DOK6: variants seen among roughly 807,000 people sequenced by gnomAD.
DOK6 encodes downstream of tyrosine kinase 6.
In DOK6, 22 loss-of-function variants were observed where a neutral mutation model predicts 44.0. That is an observed-to-expected ratio of 0.50 (90% CI 0.36 to 0.71). DOK6 has a LOEUF of 0.71. Among genes scored for constraint, DOK6 ranks in the 30% least tolerant of loss-of-function variants. The pLI, the probability that DOK6 is intolerant of heterozygous loss-of-function variation, is 0.00. For missense variants in DOK6, 340 were observed against 416.4 expected (o/e 0.82, Z 1.60); for synonymous variants, 166 against 145.5 (o/e 1.14, Z -1.01).
At chr18:69,684,595 G>A (rs1986110436) in intron 4 of DOK6, among the ~76,000 whole-genome samples, 2 of 148,674 alleles carry the variant, frequency 1.3e-5, no homozygotes, top group Admixed American at 1.3e-4. Context: ...TTGAAAAGAA[G>A]AGTTTTATGG....
At chr18:69,503,682 A>G (rs1175859398) in intron 1 of DOK6, among the ~76,000 whole-genome samples, 5 of 152,046 alleles carry the variant, frequency 3.3e-5, no homozygotes, top group Non-Finnish European at 7.4e-5. Flanking sequence ...GCTTTAGCTA[A>G]TATATCCTCA....
At chr18:69,523,468 G>T (rs1323549618) in intron 1 of DOK6, among the ~76,000 whole-genome samples, 1 of 151,922 alleles carries the variant, frequency 6.6e-6, no homozygotes, top group Admixed American at 6.6e-5. Context: ...CTTATCACCT[G>T]AAGAATCAAG....
At chr18:69,445,936 C>A (rs1979275026) in intron 1 of DOK6, among the ~76,000 whole-genome samples, 2 of 152,234 alleles carry the variant, frequency 1.3e-5, no homozygotes, top group African/African-American at 4.8e-5. Context: ...TATATAAGAT[C>A]TGTAGTAATG....
In DOK6 at chr18:69,843,177, A is replaced by T. The variant is rs1982273105; in HGVS notation, c.*1794A>T. 1 of 152,260 alleles carries T rather than the reference A, an allele frequency of 6.6e-6. No individual in the cohort carries two copies. Among genetic ancestry groups the T allele is most frequent in the Non-Finnish European group, 1.5e-5 (1 of 68,052 alleles). The allele number at this position is 152,260 out of a possible 1,614,324, so 9.4% of individuals were successfully genotyped here. ...GTAAGAGTTAATGTGGCTGCAAAAA[A>T]TAATTATCCTAAGCTTTCAGGGATA... is the stretch of plus-strand genomic sequence containing the variant. On this transcript the variant is annotated 3_prime_UTR_variant, in exon 8 of 8. Coordinates refer to ENST00000382713, the MANE Select transcript of DOK6 (RefSeq NM_152721.6).
chr18:69,469,352 C>T (rs1337004678), intron 1 of DOK6, among the ~76,000 whole-genome samples: 1 of 151,838 alleles, frequency 6.6e-6, no homozygotes, highest in African/African-American at 2.4e-5. Flanking sequence ...AAATAATAAA[C>T]TATATCAAAT....
intron 2 of DOK6, among the ~76,000 whole-genome samples, chr18:69,573,856 C>T (rs1213943423): frequency 2.0e-5 from 3 of 151,858 alleles, no homozygotes; most frequent in Admixed American, 6.6e-5. Flanking sequence ...TATTCTATAA[C>T]GCCACTCTTT....
At chr18:69,486,322 G>A (rs1474050969) in intron 1 of DOK6, among the ~76,000 whole-genome samples, 7 of 151,958 alleles carry the variant, frequency 4.6e-5, no homozygotes, top group African/African-American at 7.3e-5. Flanking sequence ...TTAATCTGAA[G>A]GTACTTTAGA....
intron 1 of DOK6, among the ~76,000 whole-genome samples, chr18:69,432,983 C>A (rs143412256): frequency 2.7e-4 from 41 of 152,118 alleles, no homozygotes; most frequent in African/African-American, 9.9e-4. Context: ...GACATGTCTG[C>A]TTGACCTCAA....
intron 1 of DOK6, among the ~76,000 whole-genome samples, chr18:69,421,489 G>T (rs1256561935): frequency 3.3e-5 from 5 of 152,150 alleles, no homozygotes; most frequent in African/African-American, 9.7e-5. Flanking sequence ...CTCCCATAGG[G>T]TTATTGCAAG....
chr18:69,456,412 G>C (rs751962350), intron 1 of DOK6, among the ~76,000 whole-genome samples: 2 of 152,044 alleles, frequency 1.3e-5, no homozygotes, highest in Non-Finnish European at 2.9e-5. Context: ...TTGGCTTCCT[G>C]TGCCTCCATT....
In DOK6 at chr18:69,449,593, C is replaced by A. The variant is rs539683442; in HGVS notation, c.66+48283C>A. On this transcript the variant is annotated intron_variant, in intron 1 of 7. Transcript: ENST00000382713. The stretch of plus-strand genomic sequence containing the variant: ...GAGGCCTGCCTGCCTCTGTAGGCTC[C>A]ACCTCTGGGGGCAGGGCACAGACAA... Among the ~76,000 whole-genome samples the A allele has an allele frequency of 2.0e-5, 3 of 152,328 alleles. No individual in the cohort carries two copies. In the East Asian group the frequency reaches 5.8e-4, roughly 29 times the overall value.
At chr18:69,706,297 C>T (rs965783968) in intron 5 of DOK6, among the ~76,000 whole-genome samples, 13 of 152,052 alleles carry the variant, frequency 8.5e-5, no homozygotes, top group African/African-American at 2.9e-4. Context: ...TTCATGAGTC[C>T]TTGAGAAAGG....
intron 3 of DOK6, among the ~76,000 whole-genome samples, chr18:69,617,233 T>C (rs1247229466): frequency 1.3e-5 from 2 of 151,782 alleles, no homozygotes; most frequent in East Asian, 1.9e-4. Context: ...GGTGGGAGGA[T>C]AGAGTGAGCC....
At chr18:69,402,434 A>G (rs1452169795) in intron 1 of DOK6, among the ~76,000 whole-genome samples, 2 of 152,240 alleles carry the variant, frequency 1.3e-5, no homozygotes, top group Non-Finnish European at 2.9e-5. Flanking sequence ...TGTAAAAAAG[A>G]AAGCAAAAGA....
At chr18:69,624,714 T>A (rs972632084) in intron 3 of DOK6, among the ~76,000 whole-genome samples, 2 of 152,104 alleles carry the variant, frequency 1.3e-5, no homozygotes, top group African/African-American at 4.8e-5. Context: ...AAGTTAACAA[T>A]ATCATTTTTA....
chr18:69,666,995 C>G (rs1370964070), intron 3 of DOK6, among the ~76,000 whole-genome samples: 1 of 152,118 alleles, frequency 6.6e-6, no homozygotes, highest in Non-Finnish European at 1.5e-5. Context: ...CAGAAGGACC[C>G]CCCCTCCCCG....
At chr18:69,548,767 A>T (rs1351757656) in intron 1 of DOK6, among the ~76,000 whole-genome samples, 4 of 151,520 alleles carry the variant, frequency 2.6e-5, no homozygotes, top group Non-Finnish European at 3.0e-5. Context: ...TTGTTTAAGA[A>T]TTTTTAATTG....
chr18:69,786,451 T>C lies in DOK6; in HGVS notation c.856+28578T>C, dbSNP rs529768713. On this transcript the variant is annotated intron_variant, in intron 7 of 7. Coordinates refer to ENST00000382713, the MANE Select transcript of DOK6 (RefSeq NM_152721.6). The stretch of plus-strand genomic sequence containing the variant: ...TCTTTAATATAAAGAGTCAGCCTTA[T>C]GGAAAAAAGAGATTGATGTAGAGTT... Among the ~76,000 whole-genome samples, 96 of 152,260 alleles carry C rather than the reference T, an allele frequency of 6.3e-4. No individual in the cohort carries two copies. The South Asian group carries it at 7.7e-3, about 12-fold the overall frequency.
chr18:69,700,869 G>C (rs901694410), intron 5 of DOK6, among the ~76,000 whole-genome samples: 3 of 152,188 alleles, frequency 2.0e-5, no homozygotes, highest in African/African-American at 7.2e-5. Flanking sequence ...GGCATGGCCA[G>C]TCATGCTAGC....
Sources: gnomAD v4.1 joint callset for allele counts (sites outside exome capture counted in the v4.1 genomes callset) on GRCh38, gnomAD v4.1.1 for gene constraint, MANE v1.5 for transcripts, NCBI Gene and HGNC (gene_info 2026-07-23, HGNC 2026-07-21) for gene names.